Variants in C22orf31 observed in about 807,000 individuals in gnomAD.
C22orf31 encodes uncharacterized protein C22orf31.
A neutral mutation model predicts 15.0 loss-of-function variants in C22orf31; 11 were observed. The observed-to-expected ratio is 0.73, with a 90% CI of 0.46 to 1.21. C22orf31 has a LOEUF of 1.21. Ranked by LOEUF, C22orf31 falls within the 50% of genes most tolerant of loss-of-function variation. C22orf31 has a pLI of 0.00. For synonymous variants in C22orf31, 132 were observed against 133.3 expected (o/e 0.99, Z 0.07); for missense variants, 340 against 347.2 (o/e 0.98, Z 0.17).
the C22orf31 span, among the ~76,000 whole-genome samples, chr22:29,071,186 G>T: frequency 6.6e-6 from 1 of 152,166 alleles, no homozygotes; most frequent in East Asian, 1.9e-4. Context: ...CCAGGACCGA[G>T]GCTGGCTGGG....
intron 2 of C22orf31, chr22:29,059,757 T>C: frequency 1.0e-6 from 1 of 985,128 alleles, no homozygotes; most frequent in African/African-American, 1.7e-5. Context: ...AGCTGACCAC[T>C]GGTTGTGTGT....
chr22:29,073,292 G>A, the C22orf31 span: 3 of 711,956 alleles, frequency 4.2e-6, no homozygotes, highest in Non-Finnish European at 3.7e-6. This position sits in a 1 kb window ranked among gnomAD's most constrained non-coding sequence, Gnocchi z 4.4. Flanking sequence ...GACAAGGGCC[G>A]GCCGGCCTGA....
At chr22:29,070,791 C>T in the C22orf31 span, among the ~76,000 whole-genome samples, 1 of 152,106 alleles carries the variant, frequency 6.6e-6, no homozygotes, top group Non-Finnish European at 1.5e-5. Flanking sequence ...ATCCACAGAA[C>T]ATGTGGTCAA....
chr22:29,060,277 C>T, intron 2 of C22orf31, 138 bp downstream of exon 2: 3 of 787,320 alleles, frequency 3.8e-6, no homozygotes, highest in Non-Finnish European at 6.1e-6. Flanking sequence ...AAGTGATCCT[C>T]CCTGCTTGGC....
intron 1 of C22orf31, 91 bp from the exon 2 acceptor site, chr22:29,060,934 CT>C: frequency 1.9e-6 from 2 of 1,050,878 alleles, no homozygotes; most frequent in Non-Finnish European, 2.8e-6. Flanking sequence ...ATATTAACAT[CT>C]TTTTATAGGC....
upstream of C22orf31, among the ~76,000 whole-genome samples, chr22:29,062,174 T>C (rs1412932017): frequency 6.6e-6 from 1 of 152,202 alleles, no homozygotes; most frequent in Non-Finnish European, 1.5e-5. Flanking sequence ...AAGATCTTCA[T>C]GTTCTTAAGA....
At chr22:29,060,107 C>T (rs944265550) in intron 2 of C22orf31, 6 of 411,728 alleles carry the variant, frequency 1.5e-5, no homozygotes, top group Non-Finnish European at 1.6e-5. Flanking sequence ...TCATGGCTCA[C>T]TGCAGCCTCA....
the C22orf31 span, among the ~76,000 whole-genome samples, chr22:29,070,599 T>C: frequency 6.6e-6 from 1 of 152,156 alleles, no homozygotes. Flanking sequence ...CTGCTTAAAG[T>C]AGTCCAAAGG....
At chr22:29,065,173 A>G (rs2037421197), upstream of C22orf31, among the ~76,000 whole-genome samples, 1 of 152,142 alleles carries the variant, frequency 6.6e-6, no homozygotes, top group Non-Finnish European at 1.5e-5. Flanking sequence ...TATTAATATT[A>G]TGGTCCATTT....
chr22:29,064,864 A>AT (rs1356652462), upstream of C22orf31, among the ~76,000 whole-genome samples: 3 of 146,448 alleles, frequency 2.0e-5, no homozygotes, highest in East Asian at 2.1e-4. Flanking sequence ...TTACTTATTT[A>AT]TTTTTTTGAG....
At chr22:29,061,482 C>A (rs1193805010) in intron 1 of C22orf31, among the ~76,000 whole-genome samples, 1 of 151,978 alleles carries the variant, frequency 6.6e-6, no homozygotes, top group East Asian at 1.9e-4. Context: ...GTCAGGCTGG[C>A]CTCGAACTCC....
chr22:29,064,537 AG>A (rs1293960615), upstream of C22orf31, among the ~76,000 whole-genome samples: 1 of 151,730 alleles, frequency 6.6e-6, no homozygotes. Flanking sequence ...GTTTCAAGAC[AG>A]GGTCTCAGTC....
In C22orf31 at chr22:29,060,616, A is replaced by C; in HGVS notation, c.231T>G (p.Val77=). 6.2e-7 allele frequency: 1 copy of C among 1,614,162 alleles called. No homozygotes were observed. The highest frequency in any genetic ancestry group is 8.5e-7 in the Non-Finnish European group (1 of 1,180,020). Residue 77 remains valine, a synonymous_variant, in exon 2 of 3, where the codon GTT becomes GTG. Transcript: ENST00000216071. The part of the protein sequence containing the change: ...NPLIASSFSL[V]KLVLRRQLKN... ...TCAGTTGCCGCCTGAGTACAAGCTT[A>C]ACCAGGGAGAAGGAACTGGCAATTA...
chr22:29,071,455 G>A, the C22orf31 span, among the ~76,000 whole-genome samples: 1 of 152,054 alleles, frequency 6.6e-6, no homozygotes, highest in Non-Finnish European at 1.5e-5. Context: ...GTGGCGCCCG[G>A]GGGTTGAGGG....
rs770845028 is a variant in C22orf31 at position 29,058,985 on chromosome 22, T to G, written c.630A>C (p.Thr210=). Residue 210 remains threonine (T), a synonymous_variant, in exon 3 of 3, where the codon ACA becomes ACC. Coordinates refer to ENST00000216071, the MANE Select transcript of C22orf31 (RefSeq NM_015370.2). ...CGTGGTACAGAGCCTGGTAACCCTC[T>G]GTGGGGAGACCATGGATGGTTAGCG... The part of the protein sequence containing the change: ...EDTLTIHGLP[T]EGYQALYHAV... 6.2e-7 allele frequency: 1 copy of G among 1,614,194 alleles called. No individual in the cohort carries two copies. Among genetic ancestry groups the G allele is most frequent in the Admixed American group, 1.7e-5 (1 of 60,036 alleles).
chr22:29,063,340 A>G (rs757079799), upstream of C22orf31, among the ~76,000 whole-genome samples: 1 of 151,866 alleles, frequency 6.6e-6, no homozygotes, highest in Non-Finnish European at 1.5e-5. Flanking sequence ...TAATTTTTGT[A>G]TTTTTAGTAG....
the C22orf31 span, among the ~76,000 whole-genome samples, chr22:29,070,539 T>G: frequency 2.0e-5 from 3 of 152,236 alleles, no homozygotes; most frequent in African/African-American, 7.2e-5. Flanking sequence ...AAGAACCTTG[T>G]GAACTGGAGA....
At chr22:29,066,539 C>CTTTTTTTCTT (rs2037431326), upstream of C22orf31, among the ~76,000 whole-genome samples, 1 of 70,208 alleles carries the variant, frequency 1.4e-5, no homozygotes. Context: ...CTTTTCTTTT[C>CTTTTTTTCTT]TTTTTTTTTT....
chr22:29,064,596 C>T (rs1438714062), upstream of C22orf31, among the ~76,000 whole-genome samples: 1 of 150,984 alleles, frequency 6.6e-6, no homozygotes, highest in Non-Finnish European at 1.5e-5. Context: ...TCATGAGAGC[C>T]TCGACCTCCT....
Sources: allele counts gnomAD v4.1 joint callset (sites outside exome capture counted in the v4.1 genomes callset), GRCh38; gene constraint gnomAD v4.1.1; non-coding constraint Gnocchi (gnomAD v3.1); transcripts MANE v1.5; gene names NCBI Gene and HGNC (gene_info 2026-07-23, HGNC 2026-07-21).